The following NELL2 variants were observed in gnomAD, a reference collection of about 807,000 sequenced individuals.
The protein encoded by NELL2 is protein kinase C-binding protein NELL2.
NELL2 carries 41 observed loss-of-function variants against 109.6 expected under a neutral mutation model. That is an observed-to-expected ratio of 0.37 (90% confidence interval 0.29 to 0.49). NELL2 has a LOEUF of 0.49. Ranked by LOEUF, NELL2 falls within the 20% of genes least tolerant of loss-of-function variation. The pLI, the probability that NELL2 is intolerant of heterozygous loss-of-function variation, is 0.98. For synonymous variants in NELL2, 355 were observed against 344.7 expected, an observed-to-expected ratio of 1.03 and a Z score of -0.33; for missense variants, 900 against 1,008.3, an observed-to-expected ratio of 0.89 and a Z score of 1.45.
At chr12:44,684,047 T>C (rs1948624595) in intron 12 of NELL2, among the ~76,000 whole-genome samples, 1 of 152,232 alleles carries the variant, frequency 6.6e-6, no homozygotes, top group East Asian at 1.9e-4. Flanking sequence ...ATCCATCTGG[T>C]CCTGGACTCT....
intron 15 of NELL2, among the ~76,000 whole-genome samples, chr12:44,591,634 G>A (rs983649222): frequency 6.6e-6 from 1 of 152,174 alleles, no homozygotes; most frequent in Non-Finnish European, 1.5e-5. Context: ...GGGATAGAAA[G>A]AGGTTGTTTA....
chr12:44,692,633 A>C (rs1303324315), intron 12 of NELL2, among the ~76,000 whole-genome samples: 5 of 152,190 alleles, frequency 3.3e-5, no homozygotes, highest in Non-Finnish European at 5.9e-5. Context: ...CAGTAAGAAA[A>C]TTTGTGATTC....
At chr12:44,824,603 G>A (rs985826269) in intron 2 of NELL2, among the ~76,000 whole-genome samples, 1 of 151,372 alleles carries the variant, frequency 6.6e-6, no homozygotes, top group Non-Finnish European at 1.5e-5. Flanking sequence ...CTGTTTCATT[G>A]GTCTACATGT....
intron 12 of NELL2, among the ~76,000 whole-genome samples, chr12:44,685,469 G>A (rs1948682390): frequency 6.6e-6 from 1 of 151,492 alleles, no homozygotes; most frequent in South Asian, 2.1e-4. Context: ...GATATTAGCT[G>A]GTTATTTTGC....
chr12:44,734,425 G>C (rs1003004294), intron 9 of NELL2, among the ~76,000 whole-genome samples: 2 of 151,372 alleles, frequency 1.3e-5, no homozygotes, highest in African/African-American at 2.4e-5. Flanking sequence ...TAAATATTTT[G>C]AATGTTTAGT....
In NELL2 at chr12:44,729,010, C is replaced by G. The variant is rs181894038; in HGVS notation, c.995-14269G>C. 6.2e-4 allele frequency among the ~76,000 whole-genome samples: 95 copies of G among 152,036 alleles called. 2 individuals are homozygous for G. The highest frequency in any genetic ancestry group is 5.3e-3 in the Admixed American group (81 of 15,264). On this transcript the variant is annotated intron_variant, in intron 9 of 19. Coordinates refer to ENST00000429094, the MANE Select transcript of NELL2 (RefSeq NM_001145108.2). ...CCTTAAAGTTGAAATGAAAAAAATACCAGACAGCAACACGAAAGTATATAA... is the reference window on the plus strand; with the variant it reads ...CCTTAAAGTTGAAATGAAAAAAATAGCAGACAGCAACACGAAAGTATATAA...
At chr12:44,860,108 T>C (rs1944794935) in intron 2 of NELL2, among the ~76,000 whole-genome samples, 1 of 152,228 alleles carries the variant, frequency 6.6e-6, no homozygotes, top group African/African-American at 2.4e-5. Flanking sequence ...CTCTATTTGT[T>C]CTCAGAATTA....
chr12:44,816,417 C>A (rs1028487216), intron 2 of NELL2, among the ~76,000 whole-genome samples: 3 of 152,026 alleles, frequency 2.0e-5, no homozygotes, highest in African/African-American at 7.2e-5. Flanking sequence ...TACTTGGGGA[C>A]GTATACTCCC....
At chr12:44,825,397 T>A (rs1286667442) in intron 2 of NELL2, among the ~76,000 whole-genome samples, 1 of 135,188 alleles carries the variant, frequency 7.4e-6, no homozygotes, top group Non-Finnish European at 1.6e-5. Context: ...TTTCCTTTTT[T>A]TTTTTTTTTT....
chr12:44,751,627 T>A (rs11182634), intron 9 of NELL2, among the ~76,000 whole-genome samples: 62,353 of 151,958 alleles, frequency 0.41, 13,447 homozygotes, highest in Non-Finnish European at 0.48. Context: ...TTCCCTTTTT[T>A]CTGTCCCTCC....
chr12:44,918,494 T>G (rs1221322439), upstream of NELL2, among the ~76,000 whole-genome samples: 1 of 151,602 alleles, frequency 6.6e-6, no homozygotes, highest in Non-Finnish European at 1.5e-5. Flanking sequence ...ACTTGGCATA[T>G]TTATATGTTC....
At chr12:44,527,376 G>A (rs1941834624) in intron 16 of NELL2, among the ~76,000 whole-genome samples, 1 of 152,208 alleles carries the variant, frequency 6.6e-6, no homozygotes, top group South Asian at 2.1e-4. Flanking sequence ...GGAAATGGGG[G>A]ATGGATAAGG....
chr12:44,596,547 AACTAAT>A (rs1944971196), intron 15 of NELL2, among the ~76,000 whole-genome samples: 1 of 152,148 alleles, frequency 6.6e-6, no homozygotes, highest in Non-Finnish European at 1.5e-5. Context: ...TTACCATATT[AACTAAT>A]ATAATTCTCT....
intron 19 of NELL2, 69 bp from the exon 20 acceptor site, chr12:44,509,053 T>G: frequency 7.8e-7 from 1 of 1,276,510 alleles, no homozygotes; most frequent in Non-Finnish European, 1.1e-6. Flanking sequence ...ATCACATTTA[T>G]TGATTGGTAC....
At chr12:44,832,721 A>G (rs1943925177) in intron 2 of NELL2, among the ~76,000 whole-genome samples, 1 of 152,234 alleles carries the variant, frequency 6.6e-6, no homozygotes, top group African/African-American at 2.4e-5. Flanking sequence ...CAATGAACAA[A>G]ACTAGAACAC....
At chr12:44,560,845 C>T (rs1258022436) in intron 15 of NELL2, among the ~76,000 whole-genome samples, 2 of 152,144 alleles carry the variant, frequency 1.3e-5, no homozygotes, top group Admixed American at 6.6e-5. Flanking sequence ...CCAGCATCAT[C>T]CTGATACCAA....
At chr12:44,756,148 T>C (rs923014652) in intron 9 of NELL2, among the ~76,000 whole-genome samples, 2 of 152,166 alleles carry the variant, frequency 1.3e-5, no homozygotes, top group Non-Finnish European at 2.9e-5. Context: ...GCTGCATCAA[T>C]ATCCATCCAT....
At chr12:44,876,618 G>T, upstream of NELL2, 1 of 1,550,704 alleles carries the variant, frequency 6.4e-7, no homozygotes, top group South Asian at 1.2e-5. Context: ...CCTCGATTTC[G>T]GGCGCGTGTC....
At position 44,813,771 on chromosome 12, in the gene NELL2, G is replaced by A. The variant is rs966588981; in HGVS notation, c.335+2215C>T. On this transcript the variant is annotated intron_variant, in intron 3 of 19. Transcript: ENST00000429094. Reference sequence around the variant, plus strand: ...CAGTTTTCCAAATTTTTTCTACAACGAAAACATACTTCTATAATCTAAAAC... The same window carrying A: ...CAGTTTTCCAAATTTTTTCTACAACAAAAACATACTTCTATAATCTAAAAC... 4.6e-5 allele frequency among the ~76,000 whole-genome samples: 7 copies of A among 151,796 alleles called. No homozygotes were observed. The South Asian group carries it at 8.3e-4, about 18-fold the overall frequency.
Sources: allele counts gnomAD v4.1 joint callset (sites outside exome capture counted in the v4.1 genomes callset), GRCh38; gene constraint gnomAD v4.1.1; transcripts MANE v1.5; gene names NCBI Gene and HGNC (gene_info 2026-07-23, HGNC 2026-07-21).